Variants in ACTR3B observed in about 807,000 individuals in gnomAD.
The protein encoded by ACTR3B is actin-related protein 3B.
Under a neutral mutation model 59.0 loss-of-function variants are expected in ACTR3B, and 8 were observed. The ratio of observed to expected loss-of-function variants is 0.14; its 90% CI spans 0.08 to 0.24. ACTR3B has a LOEUF of 0.24. ACTR3B is among the 10% of genes least tolerant of loss of function. The probability of loss-of-function intolerance (pLI) is 1.00; values close to 1 mark genes in which losing one functional copy is unlikely to be tolerated. For missense variants in ACTR3B, 245 were observed against 552.3 expected (o/e 0.44, Z 5.58); for synonymous variants, 148 against 197.9 (o/e 0.75, Z 2.12).
At chr7:152,832,736 T>G (rs1797128757) in intron 9 of ACTR3B, among the ~76,000 whole-genome samples, 1 of 152,114 alleles carries the variant, frequency 6.6e-6, no homozygotes, top group South Asian at 2.1e-4. Context: ...CCAAAATTTG[T>G]AGGAAGCCTG....
intron 1 of ACTR3B, among the ~76,000 whole-genome samples, chr7:152,770,049 T>A (rs1220176124): frequency 2.0e-5 from 3 of 152,206 alleles, no homozygotes; most frequent in African/African-American, 7.2e-5. Flanking sequence ...TAGGAAAAGT[T>A]CTCTGTAGCA....
chr7:152,794,968 T>C (rs1439624067), intron 2 of ACTR3B, among the ~76,000 whole-genome samples: 1 of 152,138 alleles, frequency 6.6e-6, no homozygotes, highest in Non-Finnish European at 1.5e-5. Context: ...CCTGTGTCTT[T>C]TTCTTTTCAC....
At chr7:152,849,081 G>A (rs183988937) in intron 9 of ACTR3B, among the ~76,000 whole-genome samples, 15 of 152,222 alleles carry the variant, frequency 9.9e-5, no homozygotes, top group Admixed American at 6.5e-4. Flanking sequence ...AGAAATGGAC[G>A]TGACAGCGGT....
At chr7:152,840,336 A>G (rs1172140553) in intron 9 of ACTR3B, among the ~76,000 whole-genome samples, 1 of 151,220 alleles carries the variant, frequency 6.6e-6, no homozygotes, top group African/African-American at 2.4e-5. Context: ...AAACAAGAGA[A>G]CCCACTGTGC....
intron 1 of ACTR3B, among the ~76,000 whole-genome samples, chr7:152,763,769 A>G (rs929782151): frequency 6.6e-6 from 1 of 152,202 alleles, no homozygotes; most frequent in African/African-American, 2.4e-5. Flanking sequence ...GATGGTTGCA[A>G]AATGGTGATT....
intron 9 of ACTR3B, among the ~76,000 whole-genome samples, chr7:152,847,056 G>A (rs556180129): frequency 6.9e-6 from 1 of 145,932 alleles, no homozygotes; most frequent in East Asian, 2.1e-4. Context: ...TGCCCGGGCT[G>A]TAGTCTGCAG....
chr7:152,852,258 G>A lies in ACTR3B; in HGVS notation c.1077+7G>A. On this transcript the variant is annotated splice_region_variant and intron_variant, in intron 10 of 11. Coordinates refer to ENST00000256001, the MANE Select transcript of ACTR3B (RefSeq NM_020445.6). Reference sequence around the variant, plus strand: ...CAGCGGCGGGAGGATCAAGGTAGGAGCCAGAGGCCTCCACGCAGTGCCTGG... The same window carrying A: ...CAGCGGCGGGAGGATCAAGGTAGGAACCAGAGGCCTCCACGCAGTGCCTGG... 6.2e-7 allele frequency: 1 copy of A among 1,608,652 alleles called. No homozygotes were observed. Among genetic ancestry groups the A allele is most frequent in the Non-Finnish European group, 8.5e-7 (1 of 1,178,548 alleles).
intron 9 of ACTR3B, among the ~76,000 whole-genome samples, chr7:152,834,149 G>A (rs1301562320): frequency 2.7e-5 from 4 of 149,676 alleles, no homozygotes; most frequent in African/African-American, 9.9e-5. Context: ...TGTAGTCGCT[G>A]TTTTTGTTTT....
At chr7:152,844,593 T>G (rs923591354) in intron 9 of ACTR3B, among the ~76,000 whole-genome samples, 1 of 151,922 alleles carries the variant, frequency 6.6e-6, no homozygotes, top group Non-Finnish European at 1.5e-5. Context: ...AAACAAAGTT[T>G]TATGATGATG....
At chr7:152,792,954 G>A (rs769492827) in intron 2 of ACTR3B, among the ~76,000 whole-genome samples, 82 of 149,066 alleles carry the variant, frequency 5.5e-4, no homozygotes, top group Middle Eastern at 3.6e-3. Flanking sequence ...GCACAAAAAT[G>A]TTGTGGTACC....
intron 2 of ACTR3B, among the ~76,000 whole-genome samples, chr7:152,785,220 A>G (rs2116627924): frequency 6.6e-6 from 1 of 151,170 alleles, no homozygotes; most frequent in African/African-American, 2.4e-5. Context: ...GGAAGCGAAG[A>G]CAGTTATTAT....
Position 152,825,030 on chromosome 7 carries a change from T to C in ACTR3B, c.859T>C (p.Phe287Leu). 6.2e-7 allele frequency: 1 copy of C among 1,612,766 alleles called. No individual in the cohort carries two copies. The highest frequency in any genetic ancestry group is 1.1e-5 in the South Asian group (1 of 90,698). Residue 287 changes from phenylalanine (F) to leucine (L), a missense_variant and splice_region_variant, in exon 9 of 12, where the codon TTT becomes CTT. By Grantham distance (22) the Phe-to-Leu change is conservative. Around this residue, in one of 7 missense-constraint regions of ACTR3B, gnomAD observed 153 missense variants for 266.2 expected, o/e 0.57. Coordinates refer to ENST00000256001, the MANE Select transcript of ACTR3B (RefSeq NM_020445.6). Reference sequence around the variant, plus strand: ...TCTTTTATATTGATACACAATTCAGTTTGCCAACCCAGACTTTATGGAGTC... The same window carrying C: ...TCTTTTATATTGATACACAATTCAGCTTGCCAACCCAGACTTTATGGAGTC... ...LGPEIFFHPE[F>L]ANPDFMESIS...
In ACTR3B at chr7:152,764,601, C is replaced by T. The variant is rs540509623; in HGVS notation, c.44+4675C>T. On this transcript the variant is annotated intron_variant, in intron 1 of 11. Transcript: ENST00000256001. ...GGCGGAGGTTGCAGTGAGCTGAGAT[C>T]GCGCCACTGCACTCCAGCCTGGCAA... Among the ~76,000 whole-genome samples the T allele has an allele frequency of 3.3e-5, 5 of 150,180 alleles. 1 individual carries two copies. Among genetic ancestry groups the T allele is most frequent in the East Asian group, 2.0e-4 (1 of 5,060 alleles).
intron 7 of ACTR3B, among the ~76,000 whole-genome samples, chr7:152,822,323 A>G (rs1233541120): frequency 6.6e-6 from 1 of 152,192 alleles, no homozygotes; most frequent in Non-Finnish European, 1.5e-5. Context: ...TGGGCGGCCC[A>G]CCTCGTGCTT....
rs953957118 is a variant in ACTR3B at position 152,786,599 on chromosome 7, A to AC, written c.100+3361dup. Among the ~76,000 whole-genome samples the AC allele has an allele frequency of 8.6e-5, 13 of 151,220 alleles. No individual in the cohort carries two copies. In the South Asian group the frequency reaches 2.1e-3, roughly 25 times the overall value. On this transcript the variant is annotated intron_variant, in intron 2 of 11. Coordinates refer to ENST00000256001, the MANE Select transcript of ACTR3B (RefSeq NM_020445.6). ...AACAAACAAACCCCACACACAAAAA[A>AC]CCCCATGGACTCACCACCAAGAATG...
chr7:152,765,802 A>T (rs1229717695), intron 1 of ACTR3B, among the ~76,000 whole-genome samples: 1 of 151,976 alleles, frequency 6.6e-6, no homozygotes. Flanking sequence ...AAAAAAGTTT[A>T]TTTGGCTCAC....
intron 2 of ACTR3B, among the ~76,000 whole-genome samples, chr7:152,786,904 G>A (rs1468328674): frequency 6.6e-6 from 1 of 152,132 alleles, no homozygotes; most frequent in Admixed American, 6.5e-5. Flanking sequence ...CATACATACA[G>A]ATCCACATCA....
chr7:152,853,314 G>C (rs1378168045), intron 10 of ACTR3B, among the ~76,000 whole-genome samples, 180 bp from the exon 11 acceptor site: 4 of 152,082 alleles, frequency 2.6e-5, no homozygotes, highest in Non-Finnish European at 5.9e-5. Context: ...TGGGATTCTG[G>C]TAGGTCTTAG....
chr7:152,778,615 C>CA (rs1035081167), intron 1 of ACTR3B, among the ~76,000 whole-genome samples: 1 of 151,626 alleles, frequency 6.6e-6, no homozygotes, highest in Non-Finnish European at 1.5e-5. Flanking sequence ...AGTACCTAAA[C>CA]ACACAGTGTT....
Sources: allele counts gnomAD v4.1 joint callset (sites outside exome capture counted in the v4.1 genomes callset), GRCh38; gene constraint gnomAD v4.1.1; regional missense constraint gnomAD v4.1.1; transcripts MANE v1.5; gene names NCBI Gene and HGNC (gene_info 2026-07-23, HGNC 2026-07-21).